Variants in CSMD1 observed in about 807,000 individuals in gnomAD.
The protein encoded by CSMD1 is CUB and Sushi multiple domains 1.
A neutral mutation model predicts 417.5 loss-of-function variants in CSMD1; 213 were observed. That is an observed-to-expected ratio of 0.51 (90% CI 0.46 to 0.57). CSMD1 has a LOEUF of 0.57. Ranked by LOEUF, CSMD1 falls within the 20% of genes least tolerant of loss-of-function variation. The pLI, the probability that CSMD1 is intolerant of heterozygous loss-of-function variation, is 0.00. For synonymous variants in CSMD1, 2,862 were observed against 1,736.8 expected (o/e 1.65, Z -16.11); for missense variants, 6,923 against 4,529.7 (o/e 1.53, Z -15.17).
intron 17 of CSMD1, among the ~76,000 whole-genome samples, chr8:3,394,390 A>C (rs1480364200): frequency 2.0e-5 from 3 of 151,730 alleles, no homozygotes; most frequent in East Asian, 1.9e-4. Flanking sequence ...AATAAGAAGA[A>C]GACATTTATT....
intron 26 of CSMD1, among the ~76,000 whole-genome samples, chr8:3,241,649 T>C (rs890452473): frequency 1.3e-5 from 2 of 152,160 alleles, no homozygotes; most frequent in African/African-American, 4.8e-5. Flanking sequence ...AGGCATTCCT[T>C]GGCCTGGTGG....
intron 42 of CSMD1, among the ~76,000 whole-genome samples, chr8:3,115,455 G>A (rs1332614350): frequency 2.0e-5 from 3 of 152,078 alleles, no homozygotes; most frequent in East Asian, 3.9e-4. Flanking sequence ...ACCCACCTCG[G>A]TCTCCCAAAG....
intron 6 of CSMD1, among the ~76,000 whole-genome samples, chr8:3,725,474 C>T (rs1163968963): frequency 6.6e-6 from 1 of 152,022 alleles, no homozygotes; most frequent in Admixed American, 6.6e-5. Flanking sequence ...GGAGAAATAC[C>T]GGTGCTGATT....
chr8:3,253,029 A>AT (rs1800390365), intron 26 of CSMD1, among the ~76,000 whole-genome samples: 1 of 151,444 alleles, frequency 6.6e-6, no homozygotes, highest in Non-Finnish European at 1.5e-5. Flanking sequence ...GGATTCATTG[A>AT]TTTTTTGAAG....
intron 3 of CSMD1, among the ~76,000 whole-genome samples, chr8:4,050,914 T>C (rs1036206651): frequency 2.0e-5 from 3 of 152,134 alleles, no homozygotes; most frequent in African/African-American, 7.2e-5. Flanking sequence ...TACGTGAGTC[T>C]TGAAGTGACC....
At chr8:4,331,347 G>T (rs1295883488) in intron 3 of CSMD1, among the ~76,000 whole-genome samples, 2 of 152,022 alleles carry the variant, frequency 1.3e-5, no homozygotes, top group South Asian at 2.1e-4. Context: ...ATTTTACCCC[G>T]CCCCTCAAAG....
At chr8:3,793,064 A>C (rs1235809946) in intron 5 of CSMD1, among the ~76,000 whole-genome samples, 1 of 152,172 alleles carries the variant, frequency 6.6e-6, no homozygotes, top group Non-Finnish European at 1.5e-5. Flanking sequence ...TAAAACACCC[A>C]AAAGAGTAGA....
At chr8:4,312,010 T>C (rs984042732) in intron 3 of CSMD1, among the ~76,000 whole-genome samples, 6 of 152,172 alleles carry the variant, frequency 3.9e-5, no homozygotes, top group Admixed American at 1.3e-4. Flanking sequence ...AGAAATGCAT[T>C]GCTATGAAAT....
chr8:3,705,733 A>T (rs1402988728), intron 7 of CSMD1, among the ~76,000 whole-genome samples: 1 of 152,182 alleles, frequency 6.6e-6, no homozygotes, highest in Non-Finnish European at 1.5e-5. Flanking sequence ...CTTCTGCAAG[A>T]GAGGTTTGTG....
intron 3 of CSMD1, among the ~76,000 whole-genome samples, chr8:4,393,148 G>T (rs965086043): frequency 1.3e-5 from 2 of 151,718 alleles, no homozygotes; most frequent in African/African-American, 4.8e-5. Flanking sequence ...ACTAATTTTT[G>T]TATTTTTAGT....
At chr8:3,492,707 C>A (rs1275092197) in intron 11 of CSMD1, among the ~76,000 whole-genome samples, 3 of 152,150 alleles carry the variant, frequency 2.0e-5, no homozygotes, top group Non-Finnish European at 2.9e-5. Context: ...GCAGAACAGT[C>A]TGTGATCCTG....
At position 3,951,923 on chromosome 8, in the gene CSMD1, G is replaced by GA. The variant is rs11363252; in HGVS notation, c.818+45979dup. On this transcript the variant is annotated intron_variant, in intron 5 of 69. Transcript: ENST00000635120. ...AAAATCTTAAATAACCAGTTTCCCAGAAAAAAAAATAGATATCGAATACAT... is the reference window on the plus strand; with the variant it reads ...AAAATCTTAAATAACCAGTTTCCCAGAAAAAAAAAATAGATATCGAATACAT... Among the ~76,000 whole-genome samples, 1,461 of 148,462 alleles carry GA rather than the reference G, an allele frequency of 9.8e-3. 14 individuals carry two copies. The highest frequency in any genetic ancestry group is 0.014 in the Non-Finnish European group (941 of 66,982).
At chr8:4,118,584 G>C (rs1216233848) in intron 3 of CSMD1, among the ~76,000 whole-genome samples, 3 of 152,150 alleles carry the variant, frequency 2.0e-5, no homozygotes, top group African/African-American at 7.2e-5. Context: ...GAAAAAGTAA[G>C]GAAACAATAG....
chr8:4,141,223 C>T (rs780107190), intron 3 of CSMD1, among the ~76,000 whole-genome samples: 4 of 151,178 alleles, frequency 2.6e-5, no homozygotes, highest in Non-Finnish European at 4.4e-5. Flanking sequence ...TGGAAACCTT[C>T]ACATTTACAA....
At chr8:3,841,918 T>G (rs7005192) in intron 5 of CSMD1, among the ~76,000 whole-genome samples, 22,154 of 151,988 alleles carry the variant, frequency 0.15, 2,256 homozygotes, top group African/African-American at 0.29. Context: ...TGGGATGATC[T>G]TCCCCTAGCT....
intron 3 of CSMD1, among the ~76,000 whole-genome samples, chr8:4,160,140 G>C (rs11778801): frequency 0.27 from 41,497 of 151,536 alleles, 5,812 homozygotes; most frequent in South Asian, 0.34. Context: ...TTAATTCCAA[G>C]TATTAACTTT....
intron 23 of CSMD1, among the ~76,000 whole-genome samples, chr8:3,313,756 C>T (rs1159286275): frequency 6.6e-6 from 1 of 152,166 alleles, no homozygotes; most frequent in African/African-American, 2.4e-5. Flanking sequence ...TTGACCCAGC[C>T]ATCCCATTAC....
intron 36 of CSMD1, among the ~76,000 whole-genome samples, chr8:3,184,596 G>A (rs1023870048): frequency 4.6e-5 from 7 of 152,266 alleles, no homozygotes; most frequent in Non-Finnish European, 7.4e-5. Context: ...AAAATAACCT[G>A]CTTACAATTA....
intron 1 of CSMD1, among the ~76,000 whole-genome samples, chr8:4,641,249 A>G (rs1291416050): frequency 1.3e-5 from 2 of 152,064 alleles, no homozygotes; most frequent in Non-Finnish European, 2.9e-5. Context: ...CACATGCCAT[A>G]ATTTTAGGCA....
Sources: allele counts gnomAD v4.1 joint callset (sites outside exome capture counted in the v4.1 genomes callset), GRCh38; gene constraint gnomAD v4.1.1; transcripts MANE v1.5; gene names NCBI Gene and HGNC (gene_info 2026-07-23, HGNC 2026-07-21).